Variants in HNF1A observed in about 807,000 individuals in gnomAD.
HNF1A encodes hepatocyte nuclear factor 1-alpha.
In HNF1A, 21 loss-of-function variants were observed where a neutral mutation model predicts 62.2. The ratio of observed to expected loss-of-function variants is 0.34; its 90% CI spans 0.24 to 0.49. The LOEUF (loss-of-function observed/expected upper bound fraction) is 0.49, where lower values mean the gene tolerates loss of function less well. Among genes scored for constraint, HNF1A ranks in the 20% least tolerant of loss-of-function variants. HNF1A has a pLI of 0.99. For missense variants in HNF1A, 687 were observed against 832.3 expected (o/e 0.83, Z 2.15); for synonymous variants, 374 against 366.8 (o/e 1.02, Z -0.22).
At chr12:120,983,501 G>A (rs951350707) in intron 1 of HNF1A, among the ~76,000 whole-genome samples, 5 of 152,018 alleles carry the variant, frequency 3.3e-5, no homozygotes, top group African/African-American at 1.2e-4. Flanking sequence ...AGTCAAAGCA[G>A]GAGATGCCTG....
Position 120,996,537 on chromosome 12 carries a change from G to A in HNF1A, c.1108-4G>A, listed in dbSNP as rs372892932. ...CCCGGACACAGCTTGGCTTCCCCTCGTAGGTCTCAGCAGCTGGGGGCCCCC... is the reference window on the plus strand; with the variant it reads ...CCCGGACACAGCTTGGCTTCCCCTCATAGGTCTCAGCAGCTGGGGGCCCCC... On this transcript the variant is annotated splice_polypyrimidine_tract_variant and splice_region_variant and intron_variant, in intron 5 of 9. Transcript: ENST00000257555. The surrounding 1 kb of genome is among the most constrained non-coding windows in gnomAD (Gnocchi z 4.5). 3.7e-4 allele frequency: 592 copies of A among 1,613,302 alleles called. 2 individuals are homozygous for A. Among genetic ancestry groups the A allele is most frequent in the Non-Finnish European group, 4.4e-4 (523 of 1,179,898 alleles).
intron 1 of HNF1A, among the ~76,000 whole-genome samples, chr12:120,985,983 C>CAA (rs201044504): frequency 2.6e-4 from 37 of 140,446 alleles, no homozygotes; most frequent in Admixed American, 6.3e-4. Flanking sequence ...GGCTTTGTCT[C>CAA]AAAAAAAAAA....
chr12:120,983,400 C>T (rs879257078), intron 1 of HNF1A, among the ~76,000 whole-genome samples: 24 of 152,144 alleles, frequency 1.6e-4, no homozygotes, highest in Non-Finnish European at 3.2e-4. Context: ...CCCCACGTTA[C>T]AGGGCAGATG....
chr12:120,995,607 C>T (rs533346370), intron 4 of HNF1A, among the ~76,000 whole-genome samples: 1 of 151,842 alleles, frequency 6.6e-6, no homozygotes, highest in Non-Finnish European at 1.5e-5. Context: ...CTCCAACCCA[C>T]TCACTCCACT....
chr12:120,991,225 T>C (rs1441100384), intron 2 of HNF1A, among the ~76,000 whole-genome samples: 1 of 152,198 alleles, frequency 6.6e-6, no homozygotes, highest in Non-Finnish European at 1.5e-5. Context: ...CTTGGGTACA[T>C]ATTGGCATAG....
At chr12:120,994,082 C>T (rs1876960446) in intron 3 of HNF1A, 82 bp from the exon 4 acceptor site, 1 of 1,555,920 alleles carries the variant, frequency 6.4e-7, no homozygotes, top group African/African-American at 1.4e-5. Flanking sequence ...CAGAGCTCAG[C>T]TTCTCAGAAC....
chr12:120,987,763 GATCTATCT>G (rs71811344), intron 1 of HNF1A, among the ~76,000 whole-genome samples: 24,657 of 146,800 alleles, frequency 0.17, 2,619 homozygotes, highest in African/African-American at 0.3. Context: ...TCACAAAGTT[GATCTATCT>G]ATCTATCTAT....
In HNF1A at chr12:120,979,064, A is replaced by T. The variant is rs1327119795; in HGVS notation, c.296A>T (p.His99Leu). The T allele has an allele frequency of 6.2e-7, 1 of 1,611,638 alleles. No homozygotes were observed. The highest frequency in any genetic ancestry group is 1.1e-5 in the South Asian group (1 of 90,522). ...AACCTCAGCCCTGAGGAGGCGGCCC[A>T]CCAGAAAGCCGTGGTGGAGACCCTT... is the stretch of plus-strand genomic sequence containing the variant. ...LENLSPEEAAHQKAVVETLLQ... is the reference protein window; with the variant it reads ...LENLSPEEAALQKAVVETLLQ... The change falls in exon 1 of 10, where the codon CAC becomes CTC. Residue 99 changes from histidine to leucine, a missense_variant. His to Leu is a moderately conservative substitution (Grantham distance 99, BLOSUM62 -3). This residue lies in a region of HNF1A where 159 missense variants were observed against 154.4 expected (regional missense o/e 1.03). Coordinates refer to ENST00000257555, the MANE Select transcript of HNF1A (RefSeq NM_000545.8).
intron 4 of HNF1A, among the ~76,000 whole-genome samples, chr12:120,995,656 C>A (rs1877060216): frequency 6.6e-6 from 1 of 151,958 alleles, no homozygotes; most frequent in Admixed American, 6.6e-5. Context: ...ACAACTCCAT[C>A]CATTCCACTC....
In HNF1A at chr12:120,999,294, G is replaced by A. The variant is rs2135850609; in HGVS notation, c.1528G>A (p.Ala510Thr). ...CCTCTACAGCCACAAGCCCGAGGTGGCCCAGTACACCCACACGGGCCTGCT... is the reference window on the plus strand; with the variant it reads ...CCTCTACAGCCACAAGCCCGAGGTGACCCAGTACACCCACACGGGCCTGCT... The part of the protein sequence containing the change: ...HALYSHKPEV[A>T]QYTHTGLLPQ... Residue 510 changes from alanine (A) to threonine (T), a missense_variant, in exon 8 of 10, where the codon GCC becomes ACC. Coordinates refer to ENST00000257555, the MANE Select transcript of HNF1A (RefSeq NM_000545.8). 6.2e-7 allele frequency: 1 copy of A among 1,614,000 alleles called. No homozygotes were observed. The highest frequency in any genetic ancestry group is 8.5e-7 in the Non-Finnish European group (1 of 1,180,014).
chr12:120,991,884 C>T (rs1486156869), intron 2 of HNF1A, among the ~76,000 whole-genome samples: 1 of 152,156 alleles, frequency 6.6e-6, no homozygotes, highest in South Asian at 2.1e-4. Context: ...CGAAATTTTA[C>T]AATATTCGAT....
At chr12:120,990,684 A>AAAGGGAGGAAAGGTAGGAAAGGG (rs1434587053) in intron 2 of HNF1A, among the ~76,000 whole-genome samples, 5 of 149,790 alleles carry the variant, frequency 3.3e-5, no homozygotes, top group African/African-American at 1.2e-4. Flanking sequence ...GAAAGGGAGG[A>AAAGGGAGGAAAGGTAGGAAAGGG]AGGAAGGAAG....
chr12:120,986,961 A>G (rs1195207260), intron 1 of HNF1A, among the ~76,000 whole-genome samples: 1 of 152,148 alleles, frequency 6.6e-6, no homozygotes, highest in African/African-American at 2.4e-5. Context: ...ACAGAGCAGG[A>G]GAGGAGGAGA....
At chr12:120,998,590 CGTGT>C (rs893997876) in intron 7 of HNF1A, among the ~76,000 whole-genome samples, 9 of 151,746 alleles carry the variant, frequency 5.9e-5, no homozygotes, top group East Asian at 1.9e-4. Flanking sequence ...AGAGTGTATG[CGTGT>C]GTGTGTGTTA....
Position 120,993,468 on chromosome 12 carries a change from G to C in HNF1A, c.527-52G>C, listed in dbSNP as rs1050611920. The C allele has an allele frequency of 1.9e-6, 3 of 1,569,756 alleles. No homozygotes were observed. In the Admixed American group the frequency reaches 5.1e-5, roughly 26 times the overall value. ...CAAGGGCAAGGTCAGGGGAATGGAC[G>C]TGGGAAGGTGAGAGTGGCCAGTACC... On this transcript the variant is annotated intron_variant, in intron 2 of 9. Coordinates refer to ENST00000257555, the MANE Select transcript of HNF1A (RefSeq NM_000545.8).
intron 9 of HNF1A, among the ~76,000 whole-genome samples, chr12:121,000,025 GA>G: frequency 6.6e-6 from 1 of 152,202 alleles, no homozygotes; most frequent in East Asian, 1.9e-4. Flanking sequence ...TTTTCACATA[GA>G]AATCCAGATT....
chr12:120,983,595 G>A (rs1301472887), intron 1 of HNF1A, among the ~76,000 whole-genome samples: 2 of 151,220 alleles, frequency 1.3e-5, no homozygotes, highest in African/African-American at 4.9e-5. Context: ...GCTGGGGGTG[G>A]AGTGCAGTGG....
rs1592901213 is a variant in HNF1A, at chr12:121,001,417, G to A, written c.*225G>A. 4 of 580,930 alleles carry A rather than the reference G, an allele frequency of 6.9e-6. No homozygotes were observed. In the East Asian group the frequency reaches 8.7e-5, roughly 13 times the overall value. The allele number at this position is 580,930 out of a possible 1,614,324, so 36.0% of individuals were successfully genotyped here. A position where few individuals can be genotyped will look rare whatever the true frequency, so the allele number is the denominator to read the frequency against. Reference sequence around the variant, plus strand: ...CACAGGAGGGGGTCGTGGAGAGCTAGGAGCAAAGCCTGTTCATGGCAGATG... The same window carrying A: ...CACAGGAGGGGGTCGTGGAGAGCTAAGAGCAAAGCCTGTTCATGGCAGATG... On this transcript the variant is annotated 3_prime_UTR_variant, in exon 10 of 10. Coordinates refer to ENST00000257555, the MANE Select transcript of HNF1A (RefSeq NM_000545.8).
chr12:121,001,505 C>A lies in HNF1A; in HGVS notation c.*313C>A. ...CTTACTTGGAACTGAAGGGGGCGGC[C>A]TATGACTTGGGCACCCCCAGCCTGG... On this transcript the variant is annotated 3_prime_UTR_variant, in exon 10 of 10. Transcript: ENST00000257555. 1 of 461,342 alleles carries A rather than the reference C, an allele frequency of 2.2e-6. No individual in the cohort carries two copies. Among genetic ancestry groups the A allele is most frequent in the Non-Finnish European group, 4.1e-6 (1 of 246,668 alleles). The allele number at this position is 461,342 out of a possible 1,614,324, so 28.6% of individuals were successfully genotyped here.
Sources: allele counts gnomAD v4.1 joint callset (sites outside exome capture counted in the v4.1 genomes callset), GRCh38; gene constraint gnomAD v4.1.1; regional missense constraint gnomAD v4.1.1; non-coding constraint Gnocchi (gnomAD v3.1); transcripts MANE v1.5; gene names NCBI Gene and HGNC (gene_info 2026-07-23, HGNC 2026-07-21).